IGFLR1: variants seen among roughly 807,000 people sequenced by gnomAD.
IGFLR1 encodes the protein IGF like family receptor 1, also known as IGF-like family receptor 1.
In IGFLR1, 17 loss-of-function variants were observed where a neutral mutation model predicts 23.4. The observed-to-expected ratio is 0.73, with a 90% CI of 0.50 to 1.09. The LOEUF (loss-of-function observed/expected upper bound fraction) is 1.09. Ranked by LOEUF, IGFLR1 falls within the 50% of genes least tolerant of loss-of-function variation. IGFLR1 has a pLI of 0.00. For missense variants in IGFLR1, 556 were observed against 459.2 expected (o/e 1.21, Z -1.93); for synonymous variants, 265 against 210.7 (o/e 1.26, Z -2.23).
At chr19:35,740,306 G>A in intron 3 of IGFLR1, 74 bp downstream of exon 3, 1 of 1,440,506 alleles carries the variant, frequency 6.9e-7, no homozygotes, top group Non-Finnish European at 9.2e-7. Flanking sequence ...CCTTACGTGG[G>A]GCTACGCCGG....
Position 35,739,694 on chromosome 19 carries a change from C to G in IGFLR1, c.721+16G>C, listed in dbSNP as rs1317447396. On this transcript the variant is annotated intron_variant, in intron 4 of 4. Transcript: ENST00000246532. ...CCAGTCCACCTTCCCTGCCCCGGGG[C>G]TCCTCCAGGACTAACCCCTGCTCAG... The G allele has an allele frequency of 5.1e-6, 8 of 1,559,482 alleles. No homozygotes were observed. Among genetic ancestry groups the G allele is most frequent in the Non-Finnish European group, 4.3e-6 (5 of 1,149,548 alleles).
rs1257024988 is a variant in IGFLR1, at chr19:35,739,279, G to T, written c.*1C>A. ...TAGTCAGCAAAGTTCTTTATTGGGTGTTAAGCCCAGCAAACCCCAGATGAG... is the reference window on the plus strand; with the variant it reads ...TAGTCAGCAAAGTTCTTTATTGGGTTTTAAGCCCAGCAAACCCCAGATGAG... On this transcript the variant is annotated 3_prime_UTR_variant, in exon 5 of 5. Transcript: ENST00000246532. 6.3e-6 allele frequency: 10 copies of T among 1,578,674 alleles called. No individual in the cohort carries two copies. The highest frequency in any genetic ancestry group is 8.6e-6 in the Non-Finnish European group (10 of 1,158,806).
chr19:35,741,334 A>G lies in IGFLR1; in HGVS notation c.-43-111T>C, dbSNP rs73928307. 112 of 1,111,072 alleles carry G rather than the reference A, an allele frequency of 1.0e-4. 1 individual carries two copies. The African/African-American group carries it at 1.7e-3, about 17-fold the overall frequency. 68.8% of individuals were successfully genotyped at this position (1,111,072 alleles called of 1,614,324 possible). On this transcript the variant is annotated intron_variant, in intron 1 of 4. Transcript: ENST00000246532. ...TCTACCCCCGAGCCCTCATCCCCCAACTGAGCCGGTTATCAGAGAAGCCCA... is the reference window on the plus strand; with the variant it reads ...TCTACCCCCGAGCCCTCATCCCCCAGCTGAGCCGGTTATCAGAGAAGCCCA...
In IGFLR1 at chr19:35,738,851, C is replaced by G. The variant is rs1284171594; in HGVS notation, c.*429G>C. The G allele has an allele frequency of 2.0e-6, 1 of 489,924 alleles. No individual in the cohort carries two copies. Among genetic ancestry groups the G allele is most frequent in the Non-Finnish European group, 3.6e-6 (1 of 276,780 alleles). The allele number at this position is 489,924 out of a possible 1,614,324, so 30.3% of individuals were successfully genotyped here. On this transcript the variant is annotated 3_prime_UTR_variant, in exon 5 of 5. Coordinates refer to ENST00000246532, the MANE Select transcript of IGFLR1 (RefSeq NM_024660.4). The surrounding 1 kb of genome is among the most constrained non-coding windows in gnomAD (Gnocchi z 8.7). ...AGGTGGGGTCCCAGGTGGGAACCCC[C>G]CCACAATAAAGTCTGTCAATGTTTG...
chr19:35,739,643 G>GT lies in IGFLR1; in HGVS notation c.722-18_722-17insA, dbSNP rs1419400590. 1.3e-6 allele frequency: 2 copies of GT among 1,597,874 alleles called. No homozygotes were observed. The highest frequency in any genetic ancestry group is 1.7e-6 in the Non-Finnish European group (2 of 1,168,450). On this transcript the variant is annotated splice_polypyrimidine_tract_variant and intron_variant, in intron 4 of 4. Transcript: ENST00000246532. ...TGGACAGTTCTGGAAGAAAGGGGAA[G>GT]GGTAAAGGTGCGGAAGAGCGGGCGT...
chr19:35,740,858 A>G, intron 2 of IGFLR1, 166 bp downstream of exon 2: 2 of 693,402 alleles, frequency 2.9e-6, no homozygotes, highest in African/African-American at 1.8e-5. Context: ...GGTAGCCCGC[A>G]CTATCTGCAC....
Position 35,739,454 on chromosome 19 carries a change from A to G in IGFLR1, c.894T>C (p.Phe298=), listed in dbSNP as rs780638012. 1 of 1,614,016 alleles carries G rather than the reference A, an allele frequency of 6.2e-7. No individual in the cohort carries two copies. Among genetic ancestry groups the G allele is most frequent in the Non-Finnish European group, 8.5e-7 (1 of 1,179,998 alleles). ...AGCGACTCGGCCTCAGCGAATAGGCAAAGGTGGACCAGGCAGCAGGCAGCC... is the reference window on the plus strand; with the variant it reads ...AGCGACTCGGCCTCAGCGAATAGGCGAAGGTGGACCAGGCAGCAGGCAGCC... ...RYGLPAAWST[F]AYSLRPSRSP... is the part of the protein sequence containing the mutation. The change falls in exon 5 of 5, where the codon TTT becomes TTC. Residue 298 remains phenylalanine, a synonymous_variant. Coordinates refer to ENST00000246532, the MANE Select transcript of IGFLR1 (RefSeq NM_024660.4).
In IGFLR1 at chr19:35,739,456, A is replaced by C. The variant is rs1425931435; in HGVS notation, c.892T>G (p.Phe298Val). The part of the protein sequence containing the change: ...RYGLPAAWST[F>V]AYSLRPSRSP... ...CGACTCGGCCTCAGCGAATAGGCAAAGGTGGACCAGGCAGCAGGCAGCCCA... is the reference window on the plus strand; with the variant it reads ...CGACTCGGCCTCAGCGAATAGGCAACGGTGGACCAGGCAGCAGGCAGCCCA... The change falls in exon 5 of 5, where the codon TTT becomes GTT. Residue 298 changes from phenylalanine to valine, a missense_variant. Transcript: ENST00000246532. 1.9e-6 allele frequency: 3 copies of C among 1,613,996 alleles called. No individual in the cohort carries two copies. The highest frequency in any genetic ancestry group is 2.7e-5 in the African/African-American group (2 of 75,062).
chr19:35,739,510 C>A lies in IGFLR1; in HGVS notation c.838G>T (p.Gly280Cys). The A allele has an allele frequency of 6.2e-7, 1 of 1,614,076 alleles. No individual in the cohort carries two copies. Among genetic ancestry groups the A allele is most frequent in the Non-Finnish European group, 8.5e-7 (1 of 1,180,030 alleles). The change falls in exon 5 of 5, where the codon GGC (glycine) becomes TGC (cysteine). Residue 280 changes from glycine (G) to cysteine (C), a missense_variant. Physicochemically the swap from Gly to Cys is radical, Grantham distance 159. Coordinates refer to ENST00000246532, the MANE Select transcript of IGFLR1 (RefSeq NM_024660.4). ...EPGPGGGMAH[G>C]TTRHLAARYG... ...CTTGCGGCCAGGTGTCGAGTAGTGC[C>A]ATGGGCCATACCCCCACCTGGCCCA... is the stretch of plus-strand genomic sequence containing the variant.
intron 2 of IGFLR1, 76 bp downstream of exon 2, chr19:35,740,948 C>T: frequency 7.0e-7 from 1 of 1,434,158 alleles, no homozygotes; most frequent in South Asian, 1.2e-5. Flanking sequence ...GGCCCGTAGC[C>T]CACAGACCTC....
rs774105448 is a variant in IGFLR1 at position 35,739,401 on chromosome 19, A to G, written c.947T>C (p.Val316Ala). ...GGAGGCAGAGGGCTCCCTTGCCACC[A>G]CCATCTCAATCAGAGCCCGCAGCGG... ...RSPLRALIEM[V>A]VAREPSASLG... is the part of the protein sequence containing the mutation. Residue 316 changes from valine (V) to alanine (A), a missense_variant, in exon 5 of 5, where the codon GTG (valine) becomes GCG (alanine). By Grantham distance (64) the Val-to-Ala change is moderately conservative. Transcript: ENST00000246532. 2 of 1,613,708 alleles carry G rather than the reference A, an allele frequency of 1.2e-6. No individual in the cohort carries two copies. The highest frequency in any genetic ancestry group is 1.1e-5 in the South Asian group (1 of 91,050).
Position 35,738,827 on chromosome 19 carries a change from G to A in IGFLR1, c.*453C>T. The A allele has an allele frequency of 2.0e-6, 1 of 511,882 alleles. No homozygotes were observed. Among genetic ancestry groups the A allele is most frequent in the African/African-American group, 1.9e-5 (1 of 52,210 alleles). 31.7% of individuals were successfully genotyped at this position (511,882 alleles called of 1,614,324 possible). A position where few individuals can be genotyped will look rare whatever the true frequency, so the allele number is the denominator to read the frequency against. ...TTTCTATGCACTTTTTTATTTAAGA[G>A]GTGGGGTCCCAGGTGGGAACCCCCC... is the stretch of plus-strand genomic sequence containing the variant. On this transcript the variant is annotated 3_prime_UTR_variant, in exon 5 of 5. Transcript: ENST00000246532. The surrounding 1 kb of genome is among the most constrained non-coding windows in gnomAD (Gnocchi z 8.7).
chr19:35,740,617 C>T (rs1970164469), intron 2 of IGFLR1, 53 bp from the exon 3 acceptor site: 6 of 1,521,156 alleles, frequency 3.9e-6, no homozygotes, highest in Non-Finnish European at 5.3e-6. Flanking sequence ...CCTGCGCGGG[C>T]AACGCCCTCT....
At position 35,739,564 on chromosome 19, in the gene IGFLR1, C is replaced by T. The variant is rs756864214; in HGVS notation, c.784G>A (p.Glu262Lys). ...RLLDELEVLE[E>K]LIVLLDPEPG... is the part of the protein sequence containing the mutation. Reference sequence around the variant, plus strand: ...TCAGGGTCCAGCAGTACAATCAGCTCTTCCAGCACCTCCAGCTCATCCAGG... The same window carrying T: ...TCAGGGTCCAGCAGTACAATCAGCTTTTCCAGCACCTCCAGCTCATCCAGG... The change falls in exon 5 of 5, where the codon GAG (glutamate) becomes AAG (lysine). Residue 262 changes from glutamate (E) to lysine (K), a missense_variant. Coordinates refer to ENST00000246532, the MANE Select transcript of IGFLR1 (RefSeq NM_024660.4). The T allele has an allele frequency of 9.9e-6, 16 of 1,613,878 alleles. No individual in the cohort carries two copies. The highest frequency in any genetic ancestry group is 1.6e-4 in the Middle Eastern group (1 of 6,084).
At position 35,741,238 on chromosome 19, in the gene IGFLR1, G is replaced by A. The variant is rs1209527380; in HGVS notation, c.-43-15C>T. On this transcript the variant is annotated splice_polypyrimidine_tract_variant and intron_variant, in intron 1 of 4. Coordinates refer to ENST00000246532, the MANE Select transcript of IGFLR1 (RefSeq NM_024660.4). ...CAGCGCCTCTGCTACACTTTCCGGG[G>A]AAATCGGGCAGAAGAAAGGACGCGG... The A allele has an allele frequency of 5.0e-6, 8 of 1,592,562 alleles. No homozygotes were observed. The highest frequency in any genetic ancestry group is 6.8e-6 in the Non-Finnish European group (8 of 1,173,432).
In IGFLR1 at chr19:35,740,017, G is replaced by C. The variant is rs202232947; in HGVS notation, c.414C>G (p.Arg138=). Residue 138 remains arginine (R), a synonymous_variant, in exon 4 of 5, where the codon CGC becomes CGG. Coordinates refer to ENST00000246532, the MANE Select transcript of IGFLR1 (RefSeq NM_024660.4). ...GNPGAPSSQE[R]SSPASSIAWR... is the part of the protein sequence containing the mutation. The stretch of plus-strand genomic sequence containing the variant: ...AGGCAATGGAACTTGCTGGTGAGCT[G>C]CGCTCCTGGGAGCTAGGGGCGCCTG... 6.2e-7 allele frequency: 1 copy of C among 1,614,034 alleles called. No homozygotes were observed. Among genetic ancestry groups the C allele is most frequent in the Non-Finnish European group, 8.5e-7 (1 of 1,179,990 alleles).
chr19:35,740,755 T>C, intron 2 of IGFLR1, 191 bp from the exon 3 acceptor site: 8 of 646,028 alleles, frequency 1.2e-5, no homozygotes, highest in Non-Finnish European at 2.1e-5. Flanking sequence ...CGCACGAAGC[T>C]CCGCCCACTC....
Position 35,739,888 on chromosome 19 carries a change from A to C in IGFLR1, c.543T>G (p.Phe181Leu). ...GCCAGCAGAGATGCCAGAGCAGAAT[A>C]AACAGGAGGATCGCTATCACCGCCA... is the stretch of plus-strand genomic sequence containing the variant. ...LTLAVIAILL[F>L]ILLWHLCWPK... is the part of the protein sequence containing the mutation. Residue 181 changes from phenylalanine to leucine, a missense_variant, in exon 4 of 5, where the codon TTT becomes TTG. By Grantham distance (22) the Phe-to-Leu change is conservative. Transcript: ENST00000246532. The C allele has an allele frequency of 6.2e-7, 1 of 1,614,128 alleles. No individual in the cohort carries two copies. Among genetic ancestry groups the C allele is most frequent in the Non-Finnish European group, 8.5e-7 (1 of 1,179,996 alleles).
chr19:35,741,278 A>G (rs1970218539), intron 1 of IGFLR1, 55 bp from the exon 2 acceptor site: 1 of 1,527,724 alleles, frequency 6.5e-7, no homozygotes, highest in Non-Finnish European at 8.8e-7. Context: ...GTGGGGGAAC[A>G]GAATTCTCAC....
Sources: gnomAD v4.1 joint callset for allele counts on GRCh38, gnomAD v4.1.1 for gene constraint, Gnocchi (gnomAD v3.1) non-coding constraint, MANE v1.5 for transcripts, NCBI Gene and HGNC (gene_info 2026-07-23, HGNC 2026-07-21) for gene names.